CNTNAP5: variants seen among roughly 807,000 people sequenced by gnomAD.
CNTNAP5 encodes the protein contactin-associated protein-like 5.
CNTNAP5 carries 72 observed loss-of-function variants against 150.2 expected under a neutral mutation model. That is an observed-to-expected ratio of 0.48 (90% CI 0.40 to 0.58). CNTNAP5 has a LOEUF of 0.58. Ranked by LOEUF, CNTNAP5 falls within the 20% of genes least tolerant of loss-of-function variation. The pLI is 0.00. For missense variants in CNTNAP5, 1,636 were observed against 1,626.2 expected (o/e 1.01, Z -0.10); for synonymous variants, 672 against 619.8 (o/e 1.08, Z -1.25).
At chr2:124,510,658 C>T (rs1320362467) in intron 8 of CNTNAP5, among the ~76,000 whole-genome samples, 1 of 151,858 alleles carries the variant, frequency 6.6e-6, no homozygotes, top group Non-Finnish European at 1.5e-5. Context: ...TGCCAAGTGA[C>T]ATGAGGTCTA....
chr2:124,372,271 G>A (rs150258866), intron 3 of CNTNAP5, among the ~76,000 whole-genome samples: 1 of 151,996 alleles, frequency 6.6e-6, no homozygotes, highest in African/African-American at 2.4e-5. Context: ...TCATACTGGG[G>A]ACTGTGCTAT....
intron 4 of CNTNAP5, among the ~76,000 whole-genome samples, chr2:124,432,840 A>G (rs11680355): frequency 0.13 from 19,981 of 152,196 alleles, 1,675 homozygotes; most frequent in Non-Finnish European, 0.19. Context: ...AGTGCCAACC[A>G]ATAGAGTGGC....
At chr2:124,555,306 A>G (rs13021400) in intron 10 of CNTNAP5, among the ~76,000 whole-genome samples, 31,594 of 152,130 alleles carry the variant, frequency 0.21, 3,954 homozygotes, top group South Asian at 0.31. Context: ...TGCATGCCTA[A>G]GGAAGACGTG....
intron 3 of CNTNAP5, among the ~76,000 whole-genome samples, chr2:124,360,470 C>T (rs1490448778): frequency 2.1e-5 from 3 of 143,164 alleles, no homozygotes; most frequent in African/African-American, 2.5e-5. Context: ...CCATGTTTAG[C>T]ACTTCCTTCA....
intron 12 of CNTNAP5, among the ~76,000 whole-genome samples, chr2:124,622,511 G>T (rs572378974): frequency 3.3e-5 from 5 of 152,092 alleles, no homozygotes; most frequent in Admixed American, 2.0e-4. Context: ...GGGTCAAATG[G>T]TATATCTGCC....
chr2:124,626,819 C>T (rs4848949), intron 12 of CNTNAP5, among the ~76,000 whole-genome samples: 63,324 of 151,962 alleles, frequency 0.42, 15,501 homozygotes, highest in Non-Finnish European at 0.56. Flanking sequence ...TTGAAATCCC[C>T]GCTGCCAGCA....
intron 10 of CNTNAP5, among the ~76,000 whole-genome samples, chr2:124,557,569 A>G (rs1695787636): frequency 6.6e-6 from 1 of 152,162 alleles, no homozygotes; most frequent in Non-Finnish European, 1.5e-5. Context: ...TCAGTGGACC[A>G]AACAGACAAC....
chr2:124,387,346 A>G (rs1690955510), intron 3 of CNTNAP5, among the ~76,000 whole-genome samples: 1 of 152,208 alleles, frequency 6.6e-6, no homozygotes, highest in African/African-American at 2.4e-5. Flanking sequence ...CTGAGCTTAT[A>G]CTCTGAGATC....
intron 3 of CNTNAP5, among the ~76,000 whole-genome samples, chr2:124,413,467 A>C (rs1029787241): frequency 7.5e-6 from 1 of 134,008 alleles, no homozygotes; most frequent in African/African-American, 2.8e-5. Flanking sequence ...AATAGCAAAG[A>C]CTTGGAACCA....
chr2:124,134,571 C>T (rs1683931863), intron 1 of CNTNAP5, among the ~76,000 whole-genome samples: 1 of 152,182 alleles, frequency 6.6e-6, no homozygotes, highest in South Asian at 2.1e-4. Flanking sequence ...TCCATATTGT[C>T]TGCTTCTAGT....
At chr2:124,502,497 C>T (rs933504605) in intron 7 of CNTNAP5, among the ~76,000 whole-genome samples, 2 of 152,190 alleles carry the variant, frequency 1.3e-5, no homozygotes, top group East Asian at 1.9e-4. Context: ...TCTTTGTGAA[C>T]ATTCCCACTC....
At chr2:124,396,567 C>A (rs1187875669) in intron 3 of CNTNAP5, among the ~76,000 whole-genome samples, 13 of 152,172 alleles carry the variant, frequency 8.5e-5, no homozygotes, top group African/African-American at 3.1e-4. Flanking sequence ...CCCTTTTCTC[C>A]TTTGTAAACA....
At chr2:124,530,331 A>G (rs1695076919) in intron 10 of CNTNAP5, among the ~76,000 whole-genome samples, 1 of 152,136 alleles carries the variant, frequency 6.6e-6, no homozygotes, top group African/African-American at 2.4e-5. Context: ...ATACATAAAT[A>G]AATAATAAAG....
At chr2:124,799,357 G>C (rs1681916829) in intron 19 of CNTNAP5, among the ~76,000 whole-genome samples, 1 of 152,186 alleles carries the variant, frequency 6.6e-6, no homozygotes, top group Non-Finnish European at 1.5e-5. Flanking sequence ...CACCCTGCAA[G>C]GATGACTATT....
At chr2:124,345,110 G>A (rs891341011) in intron 3 of CNTNAP5, among the ~76,000 whole-genome samples, 5 of 152,170 alleles carry the variant, frequency 3.3e-5, no homozygotes, top group East Asian at 1.9e-4. Flanking sequence ...CTTAATACAC[G>A]TGGGAGAAGA....
At chr2:124,331,468 C>T (rs1230977210) in intron 3 of CNTNAP5, among the ~76,000 whole-genome samples, 1 of 152,010 alleles carries the variant, frequency 6.6e-6, no homozygotes. Flanking sequence ...ATGTATTAAA[C>T]ATATCAAATA....
At chr2:124,362,760 G>A (rs1690249835) in intron 3 of CNTNAP5, among the ~76,000 whole-genome samples, 1 of 152,150 alleles carries the variant, frequency 6.6e-6, no homozygotes, top group Admixed American at 6.5e-5. Context: ...CCTTTGAAGA[G>A]TTCAGTTCCC....
chr2:124,098,046 G>C (rs1181607971), intron 1 of CNTNAP5, among the ~76,000 whole-genome samples: 7 of 151,730 alleles, frequency 4.6e-5, no homozygotes, highest in Admixed American at 6.6e-5. Flanking sequence ...TAAATAAATA[G>C]ATAAAAAAAC....
intron 4 of CNTNAP5, among the ~76,000 whole-genome samples, chr2:124,425,556 G>A (rs1042892157): frequency 6.6e-6 from 1 of 152,128 alleles, no homozygotes; most frequent in African/African-American, 2.4e-5. Flanking sequence ...CTATACCTTA[G>A]TGGAGTGATC....
Sources: gnomAD v4.1 joint callset for allele counts (sites outside exome capture counted in the v4.1 genomes callset) on GRCh38, gnomAD v4.1.1 for gene constraint, MANE v1.5 for transcripts, NCBI Gene and HGNC (gene_info 2026-07-23, HGNC 2026-07-21) for gene names.